The following LAMA2 variants were observed in gnomAD, a reference collection of about 807,000 sequenced individuals.
The protein encoded by LAMA2 is laminin subunit alpha 2, also known as laminin subunit alpha-2.
In LAMA2, 269 loss-of-function variants were observed where a neutral mutation model predicts 364.8. The observed-to-expected ratio is 0.74, with a 90% CI of 0.67 to 0.82. The LOEUF is 0.82. Among genes scored for constraint, LAMA2 ranks in the 40% least tolerant of loss-of-function variants. The pLI is 0.00. For missense variants in LAMA2, 3,807 were observed against 3,873.2 expected, an observed-to-expected ratio of 0.98 and a Z score of 0.45; for synonymous variants, 1,379 against 1,370.6, an observed-to-expected ratio of 1.01 and a Z score of -0.14.
intron 12 of LAMA2, among the ~76,000 whole-genome samples, chr6:129,226,905 T>G (rs1784333822): frequency 6.6e-6 from 1 of 152,246 alleles, no homozygotes; most frequent in Non-Finnish European, 1.5e-5. Flanking sequence ...GAAGTTCTCC[T>G]GGATAATATC....
intron 1 of LAMA2, among the ~76,000 whole-genome samples, chr6:128,967,438 C>T (rs891999260): frequency 2.0e-5 from 3 of 152,136 alleles, no homozygotes; most frequent in Non-Finnish European, 4.4e-5. Context: ...AGATTGGCCT[C>T]ATGAGCTTTG....
intron 12 of LAMA2, among the ~76,000 whole-genome samples, chr6:129,223,519 A>G (rs1405559253): frequency 6.6e-6 from 1 of 152,166 alleles, no homozygotes; most frequent in Non-Finnish European, 1.5e-5. Context: ...TAATTTTTGT[A>G]TAAGGTGTAA....
At chr6:129,239,121 T>C (rs544586023) in intron 12 of LAMA2, among the ~76,000 whole-genome samples, 14 of 152,196 alleles carry the variant, frequency 9.2e-5, no homozygotes, top group Non-Finnish European at 1.9e-4. Flanking sequence ...CAAATACTAT[T>C]CTAGATTATT....
chr6:129,510,296 A>G (rs1018923314), intron 62 of LAMA2, among the ~76,000 whole-genome samples: 14 of 152,202 alleles, frequency 9.2e-5, no homozygotes, highest in Non-Finnish European at 1.6e-4. Context: ...AAAAATCAGT[A>G]ACATTTCTAT....
chr6:128,922,980 G>T (rs1350140924), intron 1 of LAMA2, among the ~76,000 whole-genome samples: 1 of 151,508 alleles, frequency 6.6e-6, no homozygotes, highest in Admixed American at 6.6e-5. Context: ...TTTCCGCATT[G>T]CTTGTTTTTC....
chr6:129,358,994 T>C (rs1437189647), intron 32 of LAMA2, among the ~76,000 whole-genome samples: 2 of 151,964 alleles, frequency 1.3e-5, no homozygotes. Context: ...ACTCTGGTTG[T>C]GACTATTTTT....
intron 12 of LAMA2, among the ~76,000 whole-genome samples, chr6:129,249,576 A>T (rs1786025381): frequency 6.6e-6 from 1 of 152,190 alleles, no homozygotes; most frequent in African/African-American, 2.4e-5. Context: ...GTTTTGTTTG[A>T]ATTTTAATAT....
chr6:129,401,393 G>A lies in LAMA2; in HGVS notation c.5562+53G>A, dbSNP rs189096100. ...AGATGATAATGAATAAATGGGAGCC[G>A]ATGAGAAAGCTCAGTAATAGAAGCA... On this transcript the variant is annotated intron_variant, in intron 38 of 64. Coordinates refer to ENST00000421865, the MANE Select transcript of LAMA2 (RefSeq NM_000426.4). 35 of 1,121,866 alleles carry A rather than the reference G, an allele frequency of 3.1e-5. 1 individual carries two copies. The highest frequency in any genetic ancestry group is 2.1e-4 in the East Asian group (9 of 42,582). 69.5% of individuals were successfully genotyped at this position (1,121,866 alleles called of 1,614,324 possible).
intron 16 of LAMA2, among the ~76,000 whole-genome samples, chr6:129,268,362 C>A (rs265327): frequency 0.78 from 117,952 of 151,964 alleles, 46,765 homozygotes; most frequent in East Asian, 0.87. Flanking sequence ...ATTGGGTTAC[C>A]TTTAAACACT....
intron 3 of LAMA2, among the ~76,000 whole-genome samples, chr6:129,094,366 A>C (rs1251764312): frequency 6.6e-6 from 1 of 152,244 alleles, no homozygotes; most frequent in African/African-American, 2.4e-5. Flanking sequence ...AATGGGACTC[A>C]TTCAGTCTTC....
At chr6:129,119,599 C>G (rs1046098174) in intron 4 of LAMA2, among the ~76,000 whole-genome samples, 15 of 152,052 alleles carry the variant, frequency 9.9e-5, no homozygotes, top group African/African-American at 3.1e-4. Flanking sequence ...CCAGGCTGGA[C>G]TGCAGTGGCT....
At chr6:128,929,531 A>T in intron 1 of LAMA2, 1 of 922,644 alleles carries the variant, frequency 1.1e-6, no homozygotes, top group South Asian at 1.3e-5. Flanking sequence ...ACCTGTAGAG[A>T]AACTCCTGAG....
At chr6:128,906,147 C>A (rs1246269843) in intron 1 of LAMA2, among the ~76,000 whole-genome samples, 2 of 140,156 alleles carry the variant, frequency 1.4e-5, no homozygotes, top group African/African-American at 5.5e-5. Flanking sequence ...TGGGTATATA[C>A]CCAGTAATGG....
chr6:128,922,885 A>G (rs895834996), intron 1 of LAMA2, among the ~76,000 whole-genome samples: 4 of 151,948 alleles, frequency 2.6e-5, no homozygotes, highest in Non-Finnish European at 5.9e-5. Context: ...TGATTTTTGT[A>G]TAAGGTGTAA....
chr6:129,475,595 C>G (rs548785209), intron 53 of LAMA2, among the ~76,000 whole-genome samples, 194 bp downstream of exon 53: 2 of 151,854 alleles, frequency 1.3e-5, no homozygotes, highest in South Asian at 2.1e-4. Flanking sequence ...TGCTTACCCA[C>G]CATCAGTTGG....
At chr6:129,198,982 A>G (rs2115046467) in intron 12 of LAMA2, among the ~76,000 whole-genome samples, 1 of 152,310 alleles carries the variant, frequency 6.6e-6, no homozygotes, top group East Asian at 1.9e-4. Flanking sequence ...AGAGAATAGA[A>G]CAACTGGGAC....
rs73775411 is a variant in LAMA2, at chr6:129,443,115, A to T, written c.6274+47A>T. The T allele has an allele frequency of 4.7e-3, 6,737 of 1,447,760 alleles. 260 individuals are homozygous for T. The African/African-American group carries it at 0.085, about 18-fold the overall frequency. 89.7% of individuals were successfully genotyped at this position (1,447,760 alleles called of 1,614,324 possible). A position where few individuals can be genotyped will look rare whatever the true frequency, so the allele number is the denominator to read the frequency against. ...TACCTTTTAGTAACGCTCATGCTTC[A>T]TTGCCTATTGCAAAAAGTTTCAGCT... On this transcript the variant is annotated intron_variant, in intron 44 of 64. Coordinates refer to ENST00000421865, the MANE Select transcript of LAMA2 (RefSeq NM_000426.4).
At chr6:128,970,956 A>G (rs1782153207) in intron 1 of LAMA2, among the ~76,000 whole-genome samples, 2 of 152,152 alleles carry the variant, frequency 1.3e-5, no homozygotes, top group East Asian at 1.9e-4. Flanking sequence ...ACTGGTAGCC[A>G]TAGGGGAAGA....
At chr6:129,030,607 A>G (rs1478984961) in intron 1 of LAMA2, among the ~76,000 whole-genome samples, 3 of 152,190 alleles carry the variant, frequency 2.0e-5, no homozygotes, top group African/African-American at 7.2e-5. Flanking sequence ...AGTGCTACAC[A>G]TTTATTATGG....
Sources: gnomAD v4.1 joint callset for allele counts (sites outside exome capture counted in the v4.1 genomes callset) on GRCh38, gnomAD v4.1.1 for gene constraint, MANE v1.5 for transcripts, NCBI Gene and HGNC (gene_info 2026-07-23, HGNC 2026-07-21) for gene names.